DMD: variants seen among roughly 807,000 people sequenced by gnomAD.
DMD encodes the protein dystrophin.
A neutral mutation model predicts 330.1 loss-of-function variants in DMD; 63 were observed. The ratio of observed to expected loss-of-function variants is 0.19; its 90% confidence interval spans 0.16 to 0.24. DMD has a LOEUF of 0.24. DMD is among the 10% of genes least tolerant of loss of function. The pLI, the probability that DMD is intolerant of heterozygous loss-of-function variation, is 1.00. For missense variants in DMD, 3,344 were observed against 2,684.1 expected (o/e 1.25, Z -5.43); for synonymous variants, 1,223 against 959.8 (o/e 1.27, Z -5.07).
intron 2 of DMD, among the ~76,000 whole-genome samples, chrX:32,898,743 T>C (rs2085955751): frequency 9.0e-6 from 1 of 111,360 alleles, no homozygotes; most frequent in African/African-American, 3.3e-5. Flanking sequence ...GGATCACTTT[T>C]GTTGCCATCT....
rs1161800352 is a variant in DMD at position 32,759,850 on chromosome X, G to A, written c.649+49643C>T. Among the ~76,000 whole-genome samples, 124 of 61,172 alleles carry A rather than the reference G, an allele frequency of 2.0e-3. 5 individuals are homozygous for A. The highest frequency in any genetic ancestry group is 9.1e-3 in the African/African-American group (117 of 12,873). 53.1% of individuals were successfully genotyped at this position (61,172 alleles called of 115,157 possible). A position where few individuals can be genotyped will look rare whatever the true frequency, so the allele number is the denominator to read the frequency against. On this transcript the variant is annotated intron_variant, in intron 7 of 78. Coordinates refer to ENST00000357033, the MANE Select transcript of DMD (RefSeq NM_004006.3). ...GCAGATGCAGGTTTTTCTTGGGGGG[G>A]GGGGGGGGGCGGGGGAAGACCCAGG...
chrX:32,540,818 T>C (rs1244939116), intron 17 of DMD, among the ~76,000 whole-genome samples: 4 of 111,764 alleles, frequency 3.6e-5, no homozygotes, highest in Non-Finnish European at 5.6e-5. Flanking sequence ...ATTGGGAAGG[T>C]AGACATAAAA....
At chrX:32,082,786 A>T (rs1009289122) in intron 44 of DMD, among the ~76,000 whole-genome samples, 2 of 111,908 alleles carry the variant, frequency 1.8e-5, no homozygotes, top group Admixed American at 1.9e-4. Flanking sequence ...ATGTAAATTG[A>T]AGACCTAAAG....
intron 22 of DMD, 139 bp downstream of exon 22, chrX:32,472,025 A>T (rs370356774): frequency 4.2e-6 from 3 of 711,623 alleles, no homozygotes; most frequent in East Asian, 3.4e-5. Flanking sequence ...AATACTGTAA[A>T]GTCTCATTTT....
In DMD at chrX:33,009,566, A is replaced by G. The variant is rs1366640438; in HGVS notation, c.93+10573T>C. The stretch of plus-strand genomic sequence containing the variant: ...TATACACATATGTGTGTATGTGTGT[A>G]TGTGTATATACACATATGTGTGTAT... On this transcript the variant is annotated intron_variant, in intron 2 of 78. Transcript: ENST00000357033. Among the ~76,000 whole-genome samples, 2 of 50,422 alleles carry G rather than the reference A, an allele frequency of 4.0e-5. 1 individual carries two copies. Among genetic ancestry groups the G allele is most frequent in the African/African-American group, 1.1e-4 (2 of 18,631 alleles). 43.8% of individuals were successfully genotyped at this position (50,422 alleles called of 115,157 possible). A position where few individuals can be genotyped will look rare whatever the true frequency, so the allele number is the denominator to read the frequency against.
chrX:33,321,540 T>C (rs1219357597), intron 1 of DMD, among the ~76,000 whole-genome samples: 2 of 112,121 alleles, frequency 1.8e-5, no homozygotes, highest in East Asian at 2.8e-4. Flanking sequence ...GTTACTTTTA[T>C]AGAGCAAAGG....
At chrX:33,005,063 C>T (rs1274909851) in intron 2 of DMD, among the ~76,000 whole-genome samples, 1 of 110,857 alleles carries the variant, frequency 9.0e-6, no homozygotes, top group Non-Finnish European at 1.9e-5. Flanking sequence ...ACAATTCTAT[C>T]TGTAAATTGG....
Position 32,973,724 on chromosome X carries a change from C to A in DMD, c.93+46415G>T, listed in dbSNP as rs142418667. Among the ~76,000 whole-genome samples the A allele has an allele frequency of 2.3e-3, 258 of 111,933 alleles. 2 individuals are homozygous for A. The highest frequency in any genetic ancestry group is 8.2e-3 in the African/African-American group (252 of 30,858). On this transcript the variant is annotated intron_variant, in intron 2 of 78. Transcript: ENST00000357033. ...TCCTATCTGAATTTATTACTCACAG[C>A]ATCCACGGCATAATAAAGTAATTGT... is the stretch of plus-strand genomic sequence containing the variant.
rs143705481 is a variant in DMD, at chrX:32,650,160, G to C, written c.961-5008C>G. Among the ~76,000 whole-genome samples the C allele has an allele frequency of 6.2e-4, 69 of 111,689 alleles. 1 individual carries two copies. The highest frequency in any genetic ancestry group is 1.1e-3 in the Non-Finnish European group (60 of 53,158). On this transcript the variant is annotated intron_variant, in intron 9 of 78. Coordinates refer to ENST00000357033, the MANE Select transcript of DMD (RefSeq NM_004006.3). ...CAAAGCTCTTAGAAAAAATAGCTGG[G>C]ACACTATGAGAGGGCACAGTCTATC...
chrX:31,479,642 A>T lies in DMD; in HGVS notation c.8548-539T>A, dbSNP rs900950012. On this transcript the variant is annotated intron_variant, in intron 57 of 78. Coordinates refer to ENST00000357033, the MANE Select transcript of DMD (RefSeq NM_004006.3). Reference sequence around the variant, plus strand: ...GAGAAAAGTCTCAATACTTTTGAAAAATAGTCATTACATCATCCATTGTGA... The same window carrying T: ...GAGAAAAGTCTCAATACTTTTGAAATATAGTCATTACATCATCCATTGTGA... Among the ~76,000 whole-genome samples the T allele has an allele frequency of 3.6e-5, 4 of 112,478 alleles. No individual in the cohort carries two copies. The Admixed American group carries it at 3.8e-4, about 11-fold the overall frequency.
chrX:31,525,873 G>T (rs1267940829), intron 55 of DMD, among the ~76,000 whole-genome samples: 1 of 112,182 alleles, frequency 8.9e-6, no homozygotes, highest in Non-Finnish European at 1.9e-5. Flanking sequence ...TTAAACCTTG[G>T]ATAAAATTCC....
Position 31,127,164 on chromosome X carries a change from G to T in DMD, c.11015-491C>A, listed in dbSNP as rs747428050. On this transcript the variant is annotated intron_variant, in intron 77 of 78. Coordinates refer to ENST00000357033, the MANE Select transcript of DMD (RefSeq NM_004006.3). ...GAGGCTGGACTCCATCCTCTTGGGA[G>T]AATTTGTTCTATCTGATAGAAGCTG... 2.7e-5 allele frequency among the ~76,000 whole-genome samples: 3 copies of T among 112,393 alleles called. No homozygotes were observed. The East Asian group carries it at 8.4e-4, about 31-fold the overall frequency.
intron 43 of DMD, among the ~76,000 whole-genome samples, chrX:32,250,074 A>G (rs1170174432): frequency 8.9e-6 from 1 of 111,961 alleles, no homozygotes; most frequent in African/African-American, 3.2e-5. Flanking sequence ...TCTTGTTCTT[A>G]GAAAGTATGT....
At chrX:31,512,838 G>A (rs923340409) in intron 55 of DMD, among the ~76,000 whole-genome samples, 4 of 109,961 alleles carry the variant, frequency 3.6e-5, no homozygotes, top group African/African-American at 1.3e-4. Flanking sequence ...GGTTCCATAT[G>A]AACTTTAAAG....
At chrX:32,347,752 A>T (rs2097768905) in intron 38 of DMD, among the ~76,000 whole-genome samples, 1 of 111,789 alleles carries the variant, frequency 8.9e-6, no homozygotes, top group Non-Finnish European at 1.9e-5. Context: ...AGAAAAAAAA[A>T]GTCAGTTAAT....
At chrX:32,810,341 C>A (rs1222684911) in intron 6 of DMD, among the ~76,000 whole-genome samples, 1 of 111,205 alleles carries the variant, frequency 9.0e-6, no homozygotes, top group Non-Finnish European at 1.9e-5. Context: ...TAACCCAGAC[C>A]TCTTCCCTAA....
chrX:32,241,156 C>T (rs764231042), intron 43 of DMD, among the ~76,000 whole-genome samples: 8 of 111,966 alleles, frequency 7.1e-5, no homozygotes, highest in South Asian at 7.4e-4. Flanking sequence ...TGTATGTTTT[C>T]GATTGTCATT....
Position 32,972,736 on chromosome X carries a change from T to A in DMD, c.93+47403A>T, listed in dbSNP as rs186382315. 4.5e-5 allele frequency among the ~76,000 whole-genome samples: 5 copies of A among 111,950 alleles called. No homozygotes were observed. The East Asian group carries it at 1.4e-3, about 32-fold the overall frequency. Reference sequence around the variant, plus strand: ...GGGACGATGGGTAAGTTCATTAGCATCTCCGTACTTTAGTTTCTTTCCATA... The same window carrying A: ...GGGACGATGGGTAAGTTCATTAGCAACTCCGTACTTTAGTTTCTTTCCATA... On this transcript the variant is annotated intron_variant, in intron 2 of 78. Transcript: ENST00000357033.
At chrX:32,763,926 A>G (rs939010018) in intron 7 of DMD, among the ~76,000 whole-genome samples, 6 of 111,627 alleles carry the variant, frequency 5.4e-5, no homozygotes, top group African/African-American at 1.6e-4. Context: ...AATTAAAAAC[A>G]GCCTAAATAA....
Sources: allele counts gnomAD v4.1 joint callset (sites outside exome capture counted in the v4.1 genomes callset), GRCh38; gene constraint gnomAD v4.1.1; transcripts MANE v1.5; gene names NCBI Gene and HGNC (gene_info 2026-07-23, HGNC 2026-07-21).